The following CYP2A6 variants were observed in gnomAD, a reference collection of about 807,000 sequenced individuals.
CYP2A6 encodes cytochrome P450 2A6.
In CYP2A6, 27 loss-of-function variants were observed where a neutral mutation model predicts 42.3. That is an observed-to-expected ratio of 0.64 (90% confidence interval 0.47 to 0.88). The LOEUF is 0.88. Among genes scored for constraint, CYP2A6 ranks in the 40% least tolerant of loss-of-function variants. The probability of loss-of-function intolerance (pLI) is 0.00; values close to 1 mark genes in which losing one functional copy is unlikely to be tolerated. For synonymous variants in CYP2A6, 238 were observed against 246.3 expected (o/e 0.97, Z 0.31); for missense variants, 628 against 646.0 (o/e 0.97, Z 0.30).
chr19:40,850,218 G>T, intron 1 of CYP2A6, 29 bp downstream of exon 1: 1 of 1,595,756 alleles, frequency 6.3e-7, no homozygotes, highest in Non-Finnish European at 8.5e-7. Flanking sequence ...CCCCCACCCC[G>T]TGCCACCCAT....
chr19:40,845,390 C>T lies in CYP2A6; in HGVS notation c.1065G>A (p.Val355=), dbSNP rs1304475387. ...CTCCAAATCTTTGGATCTCGTGGAT[C>T]ACTGCCTCCATGTAGGGCATCTTGG... ...DRAKMPYMEA[V]IHEIQRFGDV... is the part of the protein sequence containing the mutation. Residue 355 remains valine, a synonymous_variant, in exon 7 of 9, where the codon GTG becomes GTA. Transcript: ENST00000301141. The T allele has an allele frequency of 6.2e-7, 1 of 1,611,816 alleles. No individual in the cohort carries two copies. The highest frequency in any genetic ancestry group is 8.5e-7 in the Non-Finnish European group (1 of 1,179,914).
At chr19:40,845,647 C>T (rs1274842565) in intron 6 of CYP2A6, among the ~76,000 whole-genome samples, 166 bp from the exon 7 acceptor site, 1 of 151,490 alleles carries the variant, frequency 6.6e-6, no homozygotes, top group Admixed American at 6.6e-5. Context: ...GAGTAGGATC[C>T]TGTTAACCAG....
chr19:40,849,811 C>T lies in CYP2A6; in HGVS notation c.343+7G>A. 1 of 1,610,056 alleles carries T rather than the reference C, an allele frequency of 6.2e-7. No individual in the cohort carries two copies. The highest frequency in any genetic ancestry group is 1.7e-5 in the Admixed American group (1 of 59,970). On this transcript the variant is annotated splice_region_variant and intron_variant, in intron 2 of 8. Transcript: ENST00000301141. ...GGCCACCTTCCCCCTCTTGGGCACC[C>T]CCTCACCATAGCCTTTGAAGACCCA... is the stretch of plus-strand genomic sequence containing the variant.
At position 40,848,631 on chromosome 19, in the gene CYP2A6, G is replaced by C; in HGVS notation, c.476C>G (p.Ala159Gly). 6.2e-7 allele frequency: 1 copy of C among 1,611,706 alleles called. No individual in the cohort carries two copies. Among genetic ancestry groups the C allele is most frequent in the Non-Finnish European group, 8.5e-7 (1 of 1,179,798 alleles). Residue 159 changes from alanine (A) to glycine (G), a missense_variant, in exon 3 of 9, where the codon GCC becomes GGC. Ala to Gly is a moderately conservative substitution (Grantham distance 60, BLOSUM62 0). Coordinates refer to ENST00000301141, the MANE Select transcript of CYP2A6 (RefSeq NM_000762.6). ...IQEEAGFLIDALRGTGGANID... is the reference protein window; with the variant it reads ...IQEEAGFLIDGLRGTGGANID... Reference sequence around the variant, plus strand: ...CTGCTCACCGCCAGTGCCCCGGAGGGCGTCGATGAGGAAGCCCGCCTCCTC... The same window carrying C: ...CTGCTCACCGCCAGTGCCCCGGAGGCCGTCGATGAGGAAGCCCGCCTCCTC...
chr19:40,848,940 T>TAG lies in CYP2A6; in HGVS notation c.344-179_344-178dup, dbSNP rs67032351. Among the ~76,000 whole-genome samples the TAG allele has an allele frequency of 9.0e-3, 598 of 66,154 alleles. 17 individuals carry two copies. The East Asian group carries it at 0.094, about 10-fold the overall frequency. 43.4% of individuals were successfully genotyped at this position (66,154 alleles called of 152,430 possible). A position where few individuals can be genotyped will look rare whatever the true frequency, so the allele number is the denominator to read the frequency against. Reference sequence around the variant, plus strand: ...CAGTCAGAGAAACACGATGTCGAGGTAGAGAGAGAGAGAGAGAGAGAGAGA... The same window carrying TAG: ...CAGTCAGAGAAACACGATGTCGAGGTAGAGAGAGAGAGAGAGAGAGAGAGAGA... On this transcript the variant is annotated intron_variant, in intron 2 of 8. Coordinates refer to ENST00000301141, the MANE Select transcript of CYP2A6 (RefSeq NM_000762.6).
intron 2 of CYP2A6, among the ~76,000 whole-genome samples, chr19:40,848,994 G>C (rs1398858017): frequency 9.0e-6 from 1 of 111,080 alleles, no homozygotes; most frequent in African/African-American, 3.9e-5. Flanking sequence ...AGAGGAGAGA[G>C]AGAGAGAGAG....
chr19:40,848,688 A>T lies in CYP2A6; in HGVS notation c.419T>A (p.Val140Glu). 1 of 1,611,654 alleles carries T rather than the reference A, an allele frequency of 6.2e-7. No homozygotes were observed. Among genetic ancestry groups the T allele is most frequent in the African/African-American group, 1.3e-5 (1 of 74,744 alleles). The stretch of plus-strand genomic sequence containing the variant: ...GCGCTCCTCGATGCCTCGCTTGCCC[A>T]CCCCGAAGTCCCGCAGGGTGGCGAT... ...FSIATLRDFG[V>E]GKRGIEERIQ... Residue 140 changes from valine to glutamate, a missense_variant, in exon 3 of 9, where the codon GTG (valine) becomes GAG (glutamate). Coordinates refer to ENST00000301141, the MANE Select transcript of CYP2A6 (RefSeq NM_000762.6).
Position 40,845,262 on chromosome 19 carries a change from C to T in CYP2A6, c.1161+32G>A, listed in dbSNP as rs1271092742. ...GGGACACAGAGAGGGGCTGGAAGTC[C>T]CCGTAGTCTGGGGGGTGGGGGCGGA... On this transcript the variant is annotated intron_variant, in intron 7 of 8. Coordinates refer to ENST00000301141, the MANE Select transcript of CYP2A6 (RefSeq NM_000762.6). 3 of 1,610,660 alleles carry T rather than the reference C, an allele frequency of 1.9e-6. No individual in the cohort carries two copies. The African/African-American group carries it at 4.0e-5, about 22-fold the overall frequency.
At chr19:40,847,960 A>G (rs1020101573) in intron 4 of CYP2A6, among the ~76,000 whole-genome samples, 14 of 151,660 alleles carry the variant, frequency 9.2e-5, no homozygotes, top group Admixed American at 9.2e-4. Flanking sequence ...CAGGTGAGAG[A>G]GCTGAGCTGA....
chr19:40,849,045 G>A (rs896441635), intron 2 of CYP2A6, among the ~76,000 whole-genome samples: 1,699 of 24,216 alleles, frequency 0.07, 455 homozygotes, highest in Middle Eastern at 0.31. Context: ...AAGAGAGAGA[G>A]GAGAGAGAGA....
In CYP2A6 at chr19:40,850,377, A is replaced by C. The variant is rs370605094; in HGVS notation, c.50T>G (p.Val17Gly). Residue 17 changes from valine to glycine, a missense_variant, in exon 1 of 9, where the codon GTA becomes GGA. Physicochemically the swap from Val to Gly is moderately radical, Grantham distance 109 (BLOSUM62 -3). Around this residue, in one of 2 missense-constraint regions of CYP2A6, gnomAD observed 606 missense variants for 568.1 expected, o/e 1.07. Coordinates refer to ENST00000301141, the MANE Select transcript of CYP2A6 (RefSeq NM_000762.6). Reference sequence around the variant, plus strand: ...CTGCCAAACAGACATCAAGACCATTACAGTCAGGCAGACCAGCAAGGCCAC... The same window carrying C: ...CTGCCAAACAGACATCAAGACCATTCCAGTCAGGCAGACCAGCAAGGCCAC... ...LLVALLVCLTVMVLMSVWQQR... is the reference protein window; with the variant it reads ...LLVALLVCLTGMVLMSVWQQR... 6.2e-7 allele frequency: 1 copy of C among 1,610,180 alleles called. No individual in the cohort carries two copies. The highest frequency in any genetic ancestry group is 8.5e-7 in the Non-Finnish European group (1 of 1,178,854).
chr19:40,846,570 G>C (rs1967102804), intron 5 of CYP2A6, among the ~76,000 whole-genome samples: 1 of 151,138 alleles, frequency 6.6e-6, no homozygotes, highest in African/African-American at 2.4e-5. Context: ...CCGTGATCTT[G>C]GCTCATTGCA....
Position 40,850,288 on chromosome 19 carries a change from G to C in CYP2A6, c.139C>G (p.Leu47Val). ...TACATCTGCTCTGTGTTCAGCTGCA[G>C]GTAGTTTCCAATGAAGGGCAATGGG... ...PTPLPFIGNYLQLNTEQMYNS... is the reference protein window; with the variant it reads ...PTPLPFIGNYVQLNTEQMYNS... The change falls in exon 1 of 9, where the codon CTG becomes GTG. Residue 47 changes from leucine to valine, a missense_variant. By Grantham distance (32) the Leu-to-Val change is conservative. Around this residue, in one of 2 missense-constraint regions of CYP2A6, gnomAD observed 606 missense variants for 568.1 expected, o/e 1.07. Transcript: ENST00000301141. The C allele has an allele frequency of 6.2e-7, 1 of 1,610,182 alleles. No homozygotes were observed. Among genetic ancestry groups the C allele is most frequent in the Non-Finnish European group, 8.5e-7 (1 of 1,178,814 alleles).
At position 40,848,364 on chromosome 19, in the gene CYP2A6, G is replaced by T; in HGVS notation, c.509C>A (p.Pro170His). 1 of 1,611,932 alleles carries T rather than the reference G, an allele frequency of 6.2e-7. No homozygotes were observed. Among genetic ancestry groups the T allele is most frequent in the Non-Finnish European group, 8.5e-7 (1 of 1,179,944 alleles). Residue 170 changes from proline to histidine, a missense_variant, in exon 4 of 9, where the codon CCC becomes CAC. Physicochemically the swap from Pro to His is moderately conservative, Grantham distance 77 (BLOSUM62 -2). This residue lies in a region of CYP2A6 where 606 missense variants were observed against 568.1 expected (regional missense o/e 1.07). Transcript: ENST00000301141. ...GACTGTGCGGCTCAGGAAGAAGGTG[G>T]GATCGATATTGGCGCCTGCGGGTAT... ...LRGTGGANID[P>H]TFFLSRTVSN...
chr19:40,843,703 C>T lies in CYP2A6; in HGVS notation c.*93G>A. The stretch of plus-strand genomic sequence containing the variant: ...GCCCCTTCCTTTCCGCCATCCTGCC[C>T]CCAGTCTTAGCTGCGCCCCTCTCCC... On this transcript the variant is annotated 3_prime_UTR_variant, in exon 9 of 9. Coordinates refer to ENST00000301141, the MANE Select transcript of CYP2A6 (RefSeq NM_000762.6). 2 of 1,319,340 alleles carry T rather than the reference C, an allele frequency of 1.5e-6. No individual in the cohort carries two copies. Among genetic ancestry groups the T allele is most frequent in the African/African-American group, 1.5e-5 (1 of 68,798 alleles). 81.7% of individuals were successfully genotyped at this position (1,319,340 alleles called of 1,614,324 possible). A position where few individuals can be genotyped will look rare whatever the true frequency, so the allele number is the denominator to read the frequency against.
chr19:40,849,035 A>AGAAGAGAGAGG (rs1386542545), intron 2 of CYP2A6, among the ~76,000 whole-genome samples: 4,391 of 22,434 alleles, frequency 0.2, 1,386 homozygotes, highest in Non-Finnish European at 0.26. Flanking sequence ...AGAGAGAGAG[A>AGAAGAGAGAGG]AGAGAGAGAG....
chr19:40,844,929 G>C, intron 7 of CYP2A6, 157 bp from the exon 8 acceptor site: 1 of 958,718 alleles, frequency 1.0e-6, no homozygotes, highest in Non-Finnish European at 1.5e-6. Context: ...GGGGATAGAA[G>C]GTTCACATCT....
chr19:40,846,598 C>G (rs1456659175), intron 5 of CYP2A6, among the ~76,000 whole-genome samples: 2 of 151,290 alleles, frequency 1.3e-5, no homozygotes, highest in Non-Finnish European at 2.9e-5. Context: ...CCCCCCTTCG[C>G]GCCACCATGC....
At chr19:40,848,112 G>A (rs1166053445) in intron 4 of CYP2A6, 107 bp downstream of exon 4, 6 of 1,554,428 alleles carry the variant, frequency 3.9e-6, no homozygotes, top group Non-Finnish European at 5.2e-6. Flanking sequence ...TGATTTTGAG[G>A]GGACACTGTC....
Sources: gnomAD v4.1 joint callset for allele counts (sites outside exome capture counted in the v4.1 genomes callset) on GRCh38, gnomAD v4.1.1 for gene constraint, gnomAD v4.1.1 regional missense constraint, MANE v1.5 for transcripts, NCBI Gene and HGNC (gene_info 2026-07-23, HGNC 2026-07-21) for gene names.